The following DNAH7 variants were observed in gnomAD, a reference collection of about 807,000 sequenced individuals.
DNAH7 encodes dynein axonemal heavy chain 7.
A neutral mutation model predicts 444.6 loss-of-function variants in DNAH7; 397 were observed. The observed-to-expected ratio is 0.89, with a 90% CI of 0.82 to 0.97. The LOEUF is 0.97. Among genes scored for constraint, DNAH7 ranks in the 50% least tolerant of loss-of-function variants. The probability of loss-of-function intolerance (pLI) is 0.00; values close to 1 mark genes in which losing one functional copy is unlikely to be tolerated. For missense variants in DNAH7, 4,902 were observed against 4,800.8 expected, an observed-to-expected ratio of 1.02 and a Z score of -0.62; for synonymous variants, 1,636 against 1,624.4, an observed-to-expected ratio of 1.01 and a Z score of -0.17.
intron 51 of DNAH7, among the ~76,000 whole-genome samples, chr2:195,815,684 A>G (rs552730194): frequency 1.3e-5 from 2 of 152,218 alleles, no homozygotes; most frequent in Non-Finnish European, 2.9e-5. Flanking sequence ...TTTTTCAAAA[A>G]GTAACTACAC....
chr2:195,833,759 A>AT (rs1698187645), intron 48 of DNAH7, among the ~76,000 whole-genome samples: 1 of 151,870 alleles, frequency 6.6e-6, no homozygotes, highest in African/African-American at 2.4e-5. Context: ...ACTTCTTTTT[A>AT]TTTTTTATTT....
chr2:196,055,587 A>G (rs1459860654), intron 2 of DNAH7, among the ~76,000 whole-genome samples: 6 of 152,212 alleles, frequency 3.9e-5, no homozygotes, highest in African/African-American at 1.4e-4. Context: ...CAACATTTTC[A>G]AGCTAACAGG....
At chr2:195,861,994 G>T in intron 41 of DNAH7, 48 bp from the exon 42 acceptor site, 1 of 1,431,170 alleles carries the variant, frequency 7.0e-7, no homozygotes, top group Non-Finnish European at 9.8e-7. Flanking sequence ...TTACGAATCT[G>T]GATCTGCTAC....
chr2:196,051,102 T>A, intron 3 of DNAH7, 85 bp downstream of exon 3: 1 of 1,199,074 alleles, frequency 8.3e-7, no homozygotes, highest in Non-Finnish European at 1.2e-6. Flanking sequence ...GGAGCAGGAA[T>A]TTGCTTACTT....
chr2:195,960,195 T>G (rs1374613041), intron 18 of DNAH7, 65 bp downstream of exon 18: 2 of 1,340,336 alleles, frequency 1.5e-6, no homozygotes, highest in Admixed American at 4.7e-5. Flanking sequence ...TCAAAAGAAC[T>G]TTACATTAAA....
chr2:195,842,417 A>G (rs1486098311), intron 47 of DNAH7, among the ~76,000 whole-genome samples: 5 of 152,126 alleles, frequency 3.3e-5, no homozygotes, highest in Admixed American at 2.6e-4. Context: ...TGAGTGCTCA[A>G]TATTAGATAC....
At chr2:195,851,596 T>C (rs1699366663) in intron 46 of DNAH7, among the ~76,000 whole-genome samples, 2 of 152,162 alleles carry the variant, frequency 1.3e-5, no homozygotes, top group African/African-American at 4.8e-5. Context: ...CCCATTCTGA[T>C]AGTAGCTAGG....
intron 19 of DNAH7, among the ~76,000 whole-genome samples, chr2:195,955,005 C>A (rs1235159725): frequency 6.6e-6 from 1 of 152,136 alleles, no homozygotes; most frequent in South Asian, 2.1e-4. Context: ...GTTTCTTTTG[C>A]CGTGCAGAAG....
intron 41 of DNAH7, among the ~76,000 whole-genome samples, chr2:195,862,591 C>T (rs986814469): frequency 6.6e-6 from 1 of 152,162 alleles, no homozygotes; most frequent in Non-Finnish European, 1.5e-5. Flanking sequence ...AACTGTTATA[C>T]CACTTCCCCC....
At chr2:195,860,798 A>G (rs1329543621) in intron 42 of DNAH7, among the ~76,000 whole-genome samples, 1 of 152,204 alleles carries the variant, frequency 6.6e-6, no homozygotes, top group East Asian at 1.9e-4. Flanking sequence ...AATCTTTAAA[A>G]GAATTTGGTC....
chr2:196,020,065 T>A (rs1328748680), intron 8 of DNAH7, among the ~76,000 whole-genome samples: 1 of 152,070 alleles, frequency 6.6e-6, no homozygotes, highest in Non-Finnish European at 1.5e-5. Context: ...CCACTTCTAC[T>A]TTATGAATAG....
Position 195,864,502 on chromosome 2 carries a change from T to C in DNAH7, c.7153A>G (p.Arg2385Gly). ...TGCATCTCACCTTCCGCACATTTCC[T>C]TAAGATCACTTTTAAATCTTCATGC... ...EWHEDLKVILRKCAEGEMQGV... is the reference protein window; with the variant it reads ...EWHEDLKVILGKCAEGEMQGV... Residue 2385 changes from arginine (R) to glycine (G), a missense_variant, in exon 41 of 65, where the codon AGG becomes GGG. Physicochemically the swap from Arg to Gly is moderately radical, Grantham distance 125 (BLOSUM62 -2). Transcript: ENST00000312428. The C allele has an allele frequency of 6.2e-7, 1 of 1,614,208 alleles. No homozygotes were observed. The highest frequency in any genetic ancestry group is 8.5e-7 in the Non-Finnish European group (1 of 1,180,034).
In DNAH7 at chr2:195,872,410, G is replaced by A. The variant is rs753704014; in HGVS notation, c.6473C>T (p.Thr2158Ile). ...LTTQIVNGTMTLYKEAMKNLL... is the reference protein window; with the variant it reads ...LTTQIVNGTMILYKEAMKNLL... ...ATTCTTCATTGCTTCTTTATACAGA[G>A]TCATTGTGCCATTTACGATTTGTGT... The change falls in exon 40 of 65, where the codon ACT becomes ATT. Residue 2158 changes from threonine (T) to isoleucine (I), a missense_variant. Physicochemically the swap from Thr to Ile is moderately conservative, Grantham distance 89. Transcript: ENST00000312428. 12 of 1,612,912 alleles carry A rather than the reference G, an allele frequency of 7.4e-6. No homozygotes were observed. Among genetic ancestry groups the A allele is most frequent in the Non-Finnish European group, 2.5e-6 (3 of 1,179,410 alleles).
intron 19 of DNAH7, among the ~76,000 whole-genome samples, chr2:195,944,052 A>G (rs192881127): frequency 3.3e-5 from 5 of 152,132 alleles, no homozygotes; most frequent in Non-Finnish European, 7.4e-5. Context: ...ATTATGCAGC[A>G]TAACTGTTTG....
chr2:195,999,207 A>C (rs1056779919), intron 12 of DNAH7: 1 of 717,460 alleles, frequency 1.4e-6, no homozygotes, highest in Non-Finnish European at 2.6e-6. Context: ...TTTGAATATG[A>C]GAAAAGTAAA....
intron 31 of DNAH7, 76 bp downstream of exon 31, chr2:195,891,578 GA>G (rs995606211): frequency 1.0e-4 from 130 of 1,277,492 alleles, no homozygotes; most frequent in Admixed American, 2.8e-4. Flanking sequence ...TAGTTTGTTT[GA>G]AAAAAAAATC....
At chr2:196,066,659 T>G (rs575428864) in intron 1 of DNAH7, among the ~76,000 whole-genome samples, 1 of 152,216 alleles carries the variant, frequency 6.6e-6, no homozygotes, top group Admixed American at 6.5e-5. Context: ...TTCTTCTAAA[T>G]GCCTAATTTA....
At chr2:195,820,907 C>T (rs1422900259) in intron 49 of DNAH7, among the ~76,000 whole-genome samples, 2 of 152,106 alleles carry the variant, frequency 1.3e-5, no homozygotes, top group Admixed American at 6.5e-5. Flanking sequence ...AAAGCAAAAG[C>T]GTTGTTCTTG....
intron 46 of DNAH7, among the ~76,000 whole-genome samples, chr2:195,846,024 A>G (rs1245211868): frequency 6.6e-6 from 1 of 152,244 alleles, no homozygotes; most frequent in Non-Finnish European, 1.5e-5. Flanking sequence ...TAATTAAACT[A>G]AAGAGCTTAT....
Sources: gnomAD v4.1 joint callset for allele counts (sites outside exome capture counted in the v4.1 genomes callset) on GRCh38, gnomAD v4.1.1 for gene constraint, MANE v1.5 for transcripts, NCBI Gene and HGNC (gene_info 2026-07-23, HGNC 2026-07-21) for gene names.